The following GALNTL6 variants were observed in gnomAD, a reference collection of about 807,000 sequenced individuals.
GALNTL6 encodes polypeptide N-acetylgalactosaminyltransferase like 6, also known as polypeptide N-acetylgalactosaminyltransferase-like 6.
A neutral mutation model predicts 73.7 loss-of-function variants in GALNTL6; 46 were observed. The ratio of observed to expected loss-of-function variants is 0.62; its 90% confidence interval spans 0.49 to 0.80. The LOEUF (loss-of-function observed/expected upper bound fraction) is 0.80. GALNTL6 is among the 30% of genes least tolerant of loss of function. The pLI is 0.00. For missense variants in GALNTL6, 604 were observed against 755.0 expected (o/e 0.80, Z 2.34); for synonymous variants, 259 against 263.7 (o/e 0.98, Z 0.17).
chr4:172,859,505 CAG>C lies in GALNTL6; in HGVS notation c.924-23284_924-23283del, dbSNP rs370622522. ...ATCATCCTCCGAGACTTGCACCAAA[CAG>C]GGGAGAGGAAATTCCTTAAAGGGAA... On this transcript the variant is annotated intron_variant, in intron 7 of 12. Transcript: ENST00000506823. 6.6e-3 allele frequency among the ~76,000 whole-genome samples: 992 copies of C among 151,398 alleles called. 11 individuals carry two copies. The highest frequency in any genetic ancestry group is 0.023 in the African/African-American group (929 of 41,282).
chr4:172,532,523 G>T (rs1048342855), intron 5 of GALNTL6, among the ~76,000 whole-genome samples: 1 of 152,150 alleles, frequency 6.6e-6, no homozygotes, highest in Non-Finnish European at 1.5e-5. Flanking sequence ...ATTTGTTACT[G>T]CAGCCACAGG....
intron 3 of GALNTL6, among the ~76,000 whole-genome samples, chr4:172,239,110 CT>C (rs1238476550): frequency 2.0e-5 from 3 of 152,036 alleles, no homozygotes; most frequent in African/African-American, 7.2e-5. Flanking sequence ...TGATGCTGGT[CT>C]TATAGAATGA....
At position 172,105,750 on chromosome 4, in the gene GALNTL6, A is replaced by T. The variant is rs184886849; in HGVS notation, c.139-123906A>T. 1.8e-3 allele frequency among the ~76,000 whole-genome samples: 274 copies of T among 152,298 alleles called. 4 individuals carry two copies. Among genetic ancestry groups the T allele is most frequent in the Non-Finnish European group, 4.6e-4 (31 of 68,002 alleles). On this transcript the variant is annotated intron_variant, in intron 2 of 12. Transcript: ENST00000506823. ...ATGAGAAAAACTCATTCAAAAGCAA[A>T]CATGAAATAAAGAATTTTTTGAGAC... is the stretch of plus-strand genomic sequence containing the variant.
intron 5 of GALNTL6, among the ~76,000 whole-genome samples, chr4:172,436,082 A>G (rs966054508): frequency 2.0e-5 from 3 of 152,120 alleles, no homozygotes; most frequent in Non-Finnish European, 2.9e-5. Context: ...TTAGTTTATC[A>G]TGTGTTTAGT....
At chr4:171,827,630 A>T (rs540419) in intron 2 of GALNTL6, among the ~76,000 whole-genome samples, 103,328 of 151,992 alleles carry the variant, frequency 0.68, 37,025 homozygotes, top group East Asian at 0.83. Context: ...ATTTGAAATT[A>T]TAGAAGTCTG....
rs918765035 is a variant in GALNTL6, at chr4:172,711,754, C to T, written c.554-97607C>T. ...GGTATGCAGATGGACTTCAAGGAGG[C>T]GCAGTCTGAGCTAGAGACAGGCACA... On this transcript the variant is annotated intron_variant, in intron 5 of 12. Transcript: ENST00000506823. Among the ~76,000 whole-genome samples, 7 of 152,076 alleles carry T rather than the reference C, an allele frequency of 4.6e-5. No individual in the cohort carries two copies. In the South Asian group the frequency reaches 6.2e-4, roughly 14 times the overall value.
intron 5 of GALNTL6, among the ~76,000 whole-genome samples, chr4:172,501,775 A>G (rs1734269855): frequency 6.6e-6 from 1 of 152,136 alleles, no homozygotes. Flanking sequence ...TAAAAAAATT[A>G]AACTATCTTC....
intron 5 of GALNTL6, among the ~76,000 whole-genome samples, chr4:172,417,027 A>T (rs1730859699): frequency 6.6e-6 from 1 of 152,146 alleles, no homozygotes; most frequent in African/African-American, 2.4e-5. Context: ...AAATTGCTTT[A>T]GGTAATCAAT....
chr4:172,722,255 C>T (rs1406761419), intron 5 of GALNTL6, among the ~76,000 whole-genome samples: 2 of 152,110 alleles, frequency 1.3e-5, no homozygotes, highest in East Asian at 1.9e-4. Flanking sequence ...TAGAAATATA[C>T]TCTAAATGGG....
chr4:171,940,175 T>C (rs1738485891), intron 2 of GALNTL6, among the ~76,000 whole-genome samples: 3 of 134,906 alleles, frequency 2.2e-5, no homozygotes. Flanking sequence ...TGATAACATA[T>C]CTCATTATTA....
intron 5 of GALNTL6, among the ~76,000 whole-genome samples, chr4:172,472,580 G>A (rs571879274): frequency 7.2e-5 from 11 of 152,064 alleles, no homozygotes; most frequent in South Asian, 2.1e-4. Flanking sequence ...AATTCGTTAG[G>A]ATAAGGTCAT....
intron 4 of GALNTL6, among the ~76,000 whole-genome samples, chr4:172,315,108 C>A (rs1740497231): frequency 6.6e-6 from 1 of 152,108 alleles, no homozygotes; most frequent in South Asian, 2.1e-4. Context: ...TCAAGCTTTT[C>A]ACTTTTGTTT....
chr4:172,160,922 ACACT>A lies in GALNTL6; in HGVS notation c.139-68730_139-68727del, dbSNP rs1346613426. On this transcript the variant is annotated intron_variant, in intron 2 of 12. Coordinates refer to ENST00000506823, the MANE Select transcript of GALNTL6 (RefSeq NM_001034845.3). ...CACACACACACACATACACACACACACACTCACACACATACACATGTATATATAT... is the reference window on the plus strand; with the variant it reads ...CACACACACACACATACACACACACACACACACATACACATGTATATATAT... Among the ~76,000 whole-genome samples the A allele has an allele frequency of 4.0e-5, 6 of 148,516 alleles. No homozygotes were observed. In the East Asian group the frequency reaches 9.9e-4, roughly 24 times the overall value.
At chr4:172,354,945 C>T (rs1296643114) in intron 5 of GALNTL6, among the ~76,000 whole-genome samples, 1 of 152,052 alleles carries the variant, frequency 6.6e-6, no homozygotes, top group Admixed American at 6.6e-5. Context: ...AATAATCTCT[C>T]AAGTGTTCAG....
At chr4:172,317,652 T>G (rs919079392) in intron 4 of GALNTL6, among the ~76,000 whole-genome samples, 9 of 152,226 alleles carry the variant, frequency 5.9e-5, no homozygotes, top group African/African-American at 1.7e-4. Flanking sequence ...TTTATTTTAT[T>G]TTTATGCATA....
chr4:172,171,592 G>A (rs1414734332), intron 2 of GALNTL6, among the ~76,000 whole-genome samples: 1 of 151,856 alleles, frequency 6.6e-6, no homozygotes, highest in Non-Finnish European at 1.5e-5. Flanking sequence ...ACTTTGGGAG[G>A]CTGAGGCAGG....
chr4:172,624,592 G>A (rs953945160), intron 5 of GALNTL6, among the ~76,000 whole-genome samples: 4 of 151,936 alleles, frequency 2.6e-5, no homozygotes, highest in Non-Finnish European at 5.9e-5. Flanking sequence ...GTTTATTACT[G>A]GCGTATGAAA....
At chr4:172,180,930 G>A (rs1735221808) in intron 2 of GALNTL6, among the ~76,000 whole-genome samples, 4 of 152,228 alleles carry the variant, frequency 2.6e-5, no homozygotes, top group South Asian at 2.1e-4. Flanking sequence ...TGGCTATACG[G>A]GCTGTTCTTT....
At chr4:172,417,661 A>T (rs1464705923) in intron 5 of GALNTL6, among the ~76,000 whole-genome samples, 5 of 151,996 alleles carry the variant, frequency 3.3e-5, no homozygotes, top group Non-Finnish European at 7.4e-5. Flanking sequence ...AAAAAATAAT[A>T]AAAAAATTAA....
Sources: gnomAD v4.1 joint callset for allele counts (sites outside exome capture counted in the v4.1 genomes callset) on GRCh38, gnomAD v4.1.1 for gene constraint, MANE v1.5 for transcripts, NCBI Gene and HGNC (gene_info 2026-07-23, HGNC 2026-07-21) for gene names.